Variants in CHCHD3 observed in about 807,000 individuals in gnomAD.
The protein encoded by CHCHD3 is MICOS complex subunit MIC19.
CHCHD3 carries 20 observed loss-of-function variants against 38.2 expected under a neutral mutation model. That is an observed-to-expected ratio of 0.52 (90% CI 0.37 to 0.76). The LOEUF is 0.76. Among genes scored for constraint, CHCHD3 ranks in the 30% least tolerant of loss-of-function variants. CHCHD3 has a pLI of 0.00. For synonymous variants in CHCHD3, 82 were observed against 100.0 expected (o/e 0.82, Z 1.07); for missense variants, 245 against 279.2 (o/e 0.88, Z 0.87).
intron 5 of CHCHD3, among the ~76,000 whole-genome samples, chr7:132,868,861 C>T (rs995549639): frequency 2.0e-5 from 3 of 152,098 alleles, no homozygotes; most frequent in Non-Finnish European, 4.4e-5. Flanking sequence ...CGACTTTCCC[C>T]AGGGCTCCTT....
chr7:133,070,653 T>C (rs1348159364), intron 1 of CHCHD3, among the ~76,000 whole-genome samples: 2 of 141,034 alleles, frequency 1.4e-5, no homozygotes, highest in African/African-American at 2.5e-5. Context: ...CCCTCCCTCC[T>C]GTTCAAAGCT....
At chr7:133,019,447 A>G (rs536331804) in intron 3 of CHCHD3, among the ~76,000 whole-genome samples, 1 of 152,346 alleles carries the variant, frequency 6.6e-6, no homozygotes, top group African/African-American at 2.4e-5. Context: ...TTATTTGATG[A>G]TATCAACAAT....
chr7:132,880,145 G>T (rs1809016390), intron 5 of CHCHD3, among the ~76,000 whole-genome samples: 1 of 152,188 alleles, frequency 6.6e-6, no homozygotes, highest in Non-Finnish European at 1.5e-5. Context: ...GCTACAATCA[G>T]CAGGATTTAC....
chr7:133,064,600 C>A (rs1814616192), intron 2 of CHCHD3, among the ~76,000 whole-genome samples: 1 of 152,170 alleles, frequency 6.6e-6, no homozygotes, highest in South Asian at 2.1e-4. Context: ...ATCTGTTTCC[C>A]AAAATTGGCT....
chr7:132,914,284 G>A (rs187522811), intron 4 of CHCHD3, among the ~76,000 whole-genome samples: 3 of 152,180 alleles, frequency 2.0e-5, no homozygotes, highest in Admixed American at 1.3e-4. Flanking sequence ...CGACACACCC[G>A]GCCTAAGGCT....
At chr7:132,839,540 A>C (rs1437002980) in intron 5 of CHCHD3, among the ~76,000 whole-genome samples, 1 of 152,124 alleles carries the variant, frequency 6.6e-6, no homozygotes, top group Non-Finnish European at 1.5e-5. Flanking sequence ...CAACAACAAA[A>C]CACCACCACA....
intron 4 of CHCHD3, among the ~76,000 whole-genome samples, chr7:132,888,537 C>T (rs1223185640): frequency 1.3e-5 from 2 of 151,800 alleles, no homozygotes; most frequent in African/African-American, 2.4e-5. Flanking sequence ...TATCATTAAT[C>T]TTCTTATGTG....
chr7:132,926,204 C>G (rs1479294278), intron 4 of CHCHD3, among the ~76,000 whole-genome samples: 1 of 152,184 alleles, frequency 6.6e-6, no homozygotes, highest in East Asian at 1.9e-4. Context: ...AAGGCCAGAA[C>G]AATGTCCAAG....
chr7:133,032,247 ACCAT>A (rs1303751723), intron 2 of CHCHD3, among the ~76,000 whole-genome samples: 2 of 152,196 alleles, frequency 1.3e-5, no homozygotes, highest in African/African-American at 4.8e-5. Flanking sequence ...AGTTACCTTC[ACCAT>A]CCTATAAGGA....
intron 4 of CHCHD3, among the ~76,000 whole-genome samples, chr7:132,928,615 T>A (rs1470806257): frequency 6.6e-6 from 1 of 152,140 alleles, no homozygotes; most frequent in African/African-American, 2.4e-5. Context: ...GAGAATCACT[T>A]GAACCTGGGA....
intron 3 of CHCHD3, among the ~76,000 whole-genome samples, chr7:133,024,101 T>G (rs1339557819): frequency 6.6e-6 from 1 of 152,232 alleles, no homozygotes; most frequent in Non-Finnish European, 1.5e-5. Flanking sequence ...CCTAATTTTT[T>G]TACGTGAACA....
chr7:132,863,133 T>C (rs1362666778), intron 5 of CHCHD3, among the ~76,000 whole-genome samples: 1 of 152,200 alleles, frequency 6.6e-6, no homozygotes, highest in Non-Finnish European at 1.5e-5. Context: ...TCAATGTACT[T>C]TTCCCAGATC....
intron 3 of CHCHD3, among the ~76,000 whole-genome samples, chr7:133,018,874 T>G (rs999340712): frequency 8.2e-6 from 1 of 122,288 alleles, no homozygotes; most frequent in Non-Finnish European, 1.7e-5. Context: ...GCATGATTTC[T>G]CTTTTTTTTT....
intron 4 of CHCHD3, among the ~76,000 whole-genome samples, chr7:132,897,343 C>G (rs760284210): frequency 2.0e-5 from 3 of 152,114 alleles, no homozygotes; most frequent in Non-Finnish European, 4.4e-5. Flanking sequence ...CTTCTGAATT[C>G]CTTTTCTTTG....
At chr7:132,925,595 G>C (rs1585643554) in intron 4 of CHCHD3, among the ~76,000 whole-genome samples, 2 of 152,256 alleles carry the variant, frequency 1.3e-5, no homozygotes, top group South Asian at 4.1e-4. Flanking sequence ...TTTAGTTTCT[G>C]TTACTTACAT....
chr7:133,039,625 CT>C (rs1445150728), intron 2 of CHCHD3, among the ~76,000 whole-genome samples: 3 of 152,210 alleles, frequency 2.0e-5, no homozygotes, highest in Admixed American at 6.5e-5. Flanking sequence ...TTGACTATGC[CT>C]TTTTCCACTG....
intron 2 of CHCHD3, among the ~76,000 whole-genome samples, chr7:133,045,142 G>C (rs1237754103): frequency 1.3e-5 from 2 of 152,208 alleles, no homozygotes; most frequent in East Asian, 3.8e-4. Flanking sequence ...CCACCTAAGA[G>C]AGGAAATAAA....
chr7:132,874,436 G>A (rs769978496), intron 5 of CHCHD3, among the ~76,000 whole-genome samples: 5 of 152,178 alleles, frequency 3.3e-5, no homozygotes, highest in Non-Finnish European at 7.4e-5. Context: ...AGGCTCTGAT[G>A]GAACAGAAGA....
intron 4 of CHCHD3, among the ~76,000 whole-genome samples, chr7:132,917,858 CAAAAAAAA>C (rs33977058): frequency 2.1e-5 from 2 of 93,036 alleles, no homozygotes; most frequent in African/African-American, 9.3e-5. Flanking sequence ...GACTCCATCT[CAAAAAAAA>C]AAAAAAAAAA....
Sources: gnomAD v4.1 joint callset for allele counts (sites outside exome capture counted in the v4.1 genomes callset) on GRCh38, gnomAD v4.1.1 for gene constraint, MANE v1.5 for transcripts, NCBI Gene and HGNC (gene_info 2026-07-23, HGNC 2026-07-21) for gene names.